Variants in NRXN1 observed in about 807,000 individuals in gnomAD.
NRXN1 encodes the protein neurexin 1.
Under a neutral mutation model 150.9 loss-of-function variants are expected in NRXN1, and 39 were observed. That is an observed-to-expected ratio of 0.26 (90% CI 0.20 to 0.34). The LOEUF (loss-of-function observed/expected upper bound fraction) is 0.34, where lower values mean the gene tolerates loss of function less well. Ranked by LOEUF, NRXN1 falls within the 10% of genes least tolerant of loss-of-function variation. NRXN1 has a pLI of 1.00. For missense variants in NRXN1, 1,815 were observed against 1,949.9 expected (o/e 0.93, Z 1.30); for synonymous variants, 924 against 757.0 (o/e 1.22, Z -3.62).
intron 21 of NRXN1, among the ~76,000 whole-genome samples, chr2:50,003,802 T>G (rs748695784): frequency 6.6e-6 from 1 of 152,130 alleles, no homozygotes; most frequent in South Asian, 2.1e-4. Flanking sequence ...GGGGAAGAAA[T>G]GATGAGCAAT....
At chr2:50,125,881 T>C (rs2152741890) in intron 18 of NRXN1, among the ~76,000 whole-genome samples, 2 of 152,256 alleles carry the variant, frequency 1.3e-5, no homozygotes, top group South Asian at 4.1e-4. Flanking sequence ...ATTCATCATT[T>C]TGCTGCACTT....
At chr2:50,437,392 C>T (rs371584783) in intron 17 of NRXN1, among the ~76,000 whole-genome samples, 2 of 152,138 alleles carry the variant, frequency 1.3e-5, no homozygotes, top group Non-Finnish European at 2.9e-5. Context: ...GGAAGGATCT[C>T]GTGTCATTTA....
chr2:50,337,296 GCTGGT>G (rs1236800767), intron 17 of NRXN1, among the ~76,000 whole-genome samples: 3 of 151,926 alleles, frequency 2.0e-5, no homozygotes, highest in Non-Finnish European at 2.9e-5. Context: ...TGTTGGTCAG[GCTGGT>G]CTCGAACTCC....
chr2:50,357,565 C>T (rs1490702524), intron 17 of NRXN1, among the ~76,000 whole-genome samples: 2 of 152,112 alleles, frequency 1.3e-5, no homozygotes, highest in African/African-American at 2.4e-5. Flanking sequence ...ACCTCGGCCT[C>T]CCAAAGTGCT....
intron 15 of NRXN1, among the ~76,000 whole-genome samples, chr2:50,477,951 A>C (rs1460942487): frequency 6.6e-6 from 1 of 152,164 alleles, no homozygotes; most frequent in Non-Finnish European, 1.5e-5. Flanking sequence ...AAAGTAGTGC[A>C]ATCAAGCTTG....
rs540795810 is a variant in NRXN1 at position 50,912,051 on chromosome 2, C to T, written c.832+9818G>A. Among the ~76,000 whole-genome samples the T allele has an allele frequency of 4.0e-4, 60 of 151,760 alleles. 1 individual carries two copies. In the South Asian group the frequency reaches 0.012, roughly 30 times the overall value. Reference sequence around the variant, plus strand: ...CAAAAAAAGTCTTTCAATGCAGAAGCATTATGAGGTGAGTTATCAAGTTGT... The same window carrying T: ...CAAAAAAAGTCTTTCAATGCAGAAGTATTATGAGGTGAGTTATCAAGTTGT... On this transcript the variant is annotated intron_variant, in intron 5 of 22. Transcript: ENST00000401669.
intron 5 of NRXN1, among the ~76,000 whole-genome samples, chr2:50,648,648 G>A (rs1351086898): frequency 6.6e-6 from 1 of 151,922 alleles, no homozygotes; most frequent in African/African-American, 2.4e-5. Context: ...AGGCATCTCT[G>A]TGATCTGTAA....
chr2:50,719,713 T>A (rs1324105472), intron 5 of NRXN1, among the ~76,000 whole-genome samples: 2 of 152,012 alleles, frequency 1.3e-5, no homozygotes, highest in African/African-American at 4.8e-5. Flanking sequence ...ATAACAACAA[T>A]CATTTTTCAT....
intron 2 of NRXN1, among the ~76,000 whole-genome samples, chr2:50,949,349 ATCAAT>A (rs1690918818): frequency 6.6e-6 from 1 of 152,102 alleles, no homozygotes; most frequent in African/African-American, 2.4e-5. Context: ...TACCTTTCAT[ATCAAT>A]TCTGATGTTT....
At chr2:50,805,032 TTCA>T (rs1451012909) in intron 5 of NRXN1, among the ~76,000 whole-genome samples, 4 of 152,290 alleles carry the variant, frequency 2.6e-5, no homozygotes, top group African/African-American at 7.2e-5. Context: ...GTGCCTCAGT[TTCA>T]TCATTTGTCA....
chr2:50,274,727 C>T (rs1277311271), intron 17 of NRXN1, among the ~76,000 whole-genome samples: 1 of 151,886 alleles, frequency 6.6e-6, no homozygotes, highest in Non-Finnish European at 1.5e-5. Context: ...GGCTGGCTGC[C>T]AAAGTCCACA....
chr2:50,486,172 A>T (rs896066631), intron 15 of NRXN1, among the ~76,000 whole-genome samples: 1 of 152,208 alleles, frequency 6.6e-6, no homozygotes, highest in African/African-American at 2.4e-5. Flanking sequence ...ACATTAGGAC[A>T]TCATACTTAT....
At chr2:50,543,950 T>C (rs2093440056) in intron 9 of NRXN1, among the ~76,000 whole-genome samples, 1 of 152,142 alleles carries the variant, frequency 6.6e-6, no homozygotes, top group South Asian at 2.1e-4. Context: ...TTCAACTAAC[T>C]AGCTAGCAAG....
chr2:50,149,422 C>A (rs116646174), intron 18 of NRXN1, among the ~76,000 whole-genome samples: 171 of 151,614 alleles, frequency 1.1e-3, no homozygotes, highest in African/African-American at 3.9e-3. Flanking sequence ...ATATAGGTGA[C>A]AAATCAAAAT....
chr2:50,515,600 G>GGTGT (rs60612860), intron 12 of NRXN1, among the ~76,000 whole-genome samples: 4,958 of 143,464 alleles, frequency 0.035, 179 homozygotes, highest in African/African-American at 0.087. Context: ...AAATGCTTGG[G>GGTGT]GTGTGTGTGT....
chr2:50,081,436 C>A (rs1697950186), intron 19 of NRXN1, among the ~76,000 whole-genome samples: 1 of 152,112 alleles, frequency 6.6e-6, no homozygotes, highest in Admixed American at 6.6e-5. Context: ...ATTAGCTGGG[C>A]ATGGTGTTGT....
chr2:50,182,708 T>C (rs914892452), intron 18 of NRXN1, among the ~76,000 whole-genome samples: 1 of 152,046 alleles, frequency 6.6e-6, no homozygotes, highest in Non-Finnish European at 1.5e-5. Context: ...ATGAATATTA[T>C]ACAGGGAGAT....
At chr2:50,927,978 A>G (rs1353476010) in intron 2 of NRXN1, among the ~76,000 whole-genome samples, 1 of 152,016 alleles carries the variant, frequency 6.6e-6, no homozygotes, top group Non-Finnish European at 1.5e-5. Flanking sequence ...AAAGGAGTTC[A>G]AGGTCACTGA....
chr2:49,991,878 T>G (rs1411646560), intron 21 of NRXN1, among the ~76,000 whole-genome samples: 1 of 152,188 alleles, frequency 6.6e-6, no homozygotes, highest in Non-Finnish European at 1.5e-5. Context: ...AGTGTGGTAT[T>G]AATGAAGGAA....
Sources: gnomAD v4.1 joint callset for allele counts (sites outside exome capture counted in the v4.1 genomes callset) on GRCh38, gnomAD v4.1.1 for gene constraint, MANE v1.5 for transcripts, NCBI Gene and HGNC (gene_info 2026-07-23, HGNC 2026-07-21) for gene names.